Variants in RHOBTB1 observed in about 807,000 individuals in gnomAD.
RHOBTB1 encodes the protein rho-related BTB domain-containing protein 1.
RHOBTB1 carries 40 observed loss-of-function variants against 71.6 expected under a neutral mutation model. That is an observed-to-expected ratio of 0.56 (90% CI 0.43 to 0.73). RHOBTB1 has a LOEUF of 0.73. RHOBTB1 is among the 30% of genes least tolerant of loss of function. RHOBTB1 has a pLI of 0.00. For synonymous variants in RHOBTB1, 319 were observed against 334.9 expected, an observed-to-expected ratio of 0.95 and a Z score of 0.52; for missense variants, 797 against 894.0, an observed-to-expected ratio of 0.89 and a Z score of 1.38.
At chr10:60,928,076 A>G (rs760953767) in intron 2 of RHOBTB1, among the ~76,000 whole-genome samples, 2 of 152,202 alleles carry the variant, frequency 1.3e-5, no homozygotes, top group Non-Finnish European at 2.9e-5. Context: ...AAAAATGCTC[A>G]ACATCATTCG....
chr10:60,931,923 A>G (rs1187647835), intron 2 of RHOBTB1, among the ~76,000 whole-genome samples: 1 of 152,206 alleles, frequency 6.6e-6, no homozygotes, highest in African/African-American at 2.4e-5. Context: ...AATCTTGAGC[A>G]TTCAAAAGGA....
intron 7 of RHOBTB1, among the ~76,000 whole-genome samples, chr10:60,885,727 A>G (rs1411288054): frequency 1.3e-5 from 2 of 152,174 alleles, no homozygotes; most frequent in Non-Finnish European, 2.9e-5. Flanking sequence ...TTTCTGAACT[A>G]CTGGGAGACA....
chr10:60,974,995 C>T (rs568897597), intron 2 of RHOBTB1, among the ~76,000 whole-genome samples: 1 of 152,084 alleles, frequency 6.6e-6, no homozygotes, highest in African/African-American at 2.4e-5. Context: ...TGGCTGAGAG[C>T]TGTATGATCT....
intron 2 of RHOBTB1, among the ~76,000 whole-genome samples, chr10:60,959,377 G>A (rs2085704573): frequency 1.3e-5 from 2 of 152,044 alleles, no homozygotes; most frequent in South Asian, 4.1e-4. Context: ...ACCATTTGAG[G>A]AACAATGCCA....
At chr10:60,863,615 C>T in the RHOBTB1 span, among the ~76,000 whole-genome samples, 2 of 152,244 alleles carry the variant, frequency 1.3e-5, no homozygotes, top group African/African-American at 4.8e-5. Context: ...TCACTGGGAC[C>T]TCTGCCTCCC....
rs545738316 is a variant in RHOBTB1, at chr10:60,999,623, G to A, written c.-163+1776C>T. 1.6e-4 allele frequency among the ~76,000 whole-genome samples: 24 copies of A among 152,280 alleles called. No homozygotes were observed. In the South Asian group the frequency reaches 3.1e-3, roughly 20 times the overall value. On this transcript the variant is annotated intron_variant, in intron 1 of 11. Coordinates refer to the RHOBTB1 transcript ENST00000357917. ...GAGGAATCAATAATTAATCCAAGTA[G>A]GTATACAGATTTTCTTCATTGTCTG...
At chr10:60,977,225 G>A (rs911041249) in intron 2 of RHOBTB1, among the ~76,000 whole-genome samples, 1 of 152,002 alleles carries the variant, frequency 6.6e-6, no homozygotes, top group African/African-American at 2.4e-5. Context: ...AGCATTTTGA[G>A]ATCCTTGGCC....
At chr10:60,909,709 A>G (rs890089205) in intron 4 of RHOBTB1, among the ~76,000 whole-genome samples, 4 of 152,224 alleles carry the variant, frequency 2.6e-5, no homozygotes, top group African/African-American at 9.6e-5. Flanking sequence ...AAAATCCAGG[A>G]AATTCAAGGA....
At chr10:60,976,118 A>G (rs1318833758) in intron 2 of RHOBTB1, among the ~76,000 whole-genome samples, 1 of 151,996 alleles carries the variant, frequency 6.6e-6, no homozygotes, top group Admixed American at 6.6e-5. Flanking sequence ...GGAATAATAA[A>G]TGCCATCGAA....
intron 1 of RHOBTB1, among the ~76,000 whole-genome samples, chr10:61,001,141 T>G (rs2087252655): frequency 6.6e-6 from 1 of 151,936 alleles, no homozygotes; most frequent in African/African-American, 2.4e-5. Flanking sequence ...ACACCCAAAG[T>G]ATTCTGGAAG....
At chr10:60,945,697 A>G (rs1338933757), upstream of RHOBTB1, among the ~76,000 whole-genome samples, 2 of 152,182 alleles carry the variant, frequency 1.3e-5, no homozygotes, top group Non-Finnish European at 2.9e-5. Context: ...GTGGAATCCA[A>G]TGTTTTTACG....
chr10:60,990,401 A>G (rs1348185378), intron 1 of RHOBTB1, among the ~76,000 whole-genome samples: 2 of 152,222 alleles, frequency 1.3e-5, no homozygotes, highest in African/African-American at 4.8e-5. Context: ...TTTTTGAGAC[A>G]GATGCAAGAC....
intron 2 of RHOBTB1, among the ~76,000 whole-genome samples, chr10:60,973,682 C>T (rs528104346): frequency 6.6e-6 from 1 of 151,698 alleles, no homozygotes; most frequent in Non-Finnish European, 1.5e-5. Context: ...GGGAAAAGAA[C>T]ATAGATTCAA....
Position 60,888,287 on chromosome 10 carries a change from G to A in RHOBTB1, c.1381C>T (p.Gln461Ter). 1.2e-6 allele frequency: 2 copies of A among 1,614,028 alleles called. No individual in the cohort carries two copies. Among genetic ancestry groups the A allele is most frequent in the African/African-American group, 1.3e-5 (1 of 75,006 alleles). ...NIMNKEAFMN[Q>*]EITKAFHVRK... is the part of the protein sequence containing the mutation. ...ACGTGAAAGGCTTTCGTAATCTCCT[G>A]GTTCATGAAGGCTTCCTTGTTCATG... Residue 461 changes from glutamine (Q) to a stop codon, truncating the protein, a stop_gained, in exon 6 of 11, where the codon CAG becomes TAG. Coordinates refer to ENST00000337910, the MANE Select transcript of RHOBTB1 (RefSeq NM_014836.5). LOFTEE classifies it high-confidence loss of function.
In RHOBTB1 at chr10:60,874,956, G is replaced by A; in HGVS notation, c.1813C>T (p.Gln605Ter). The change falls in exon 9 of 11, where the codon CAG becomes TAG. Residue 605 changes from glutamine to a stop codon, truncating the protein, a stop_gained and splice_region_variant. Coordinates refer to ENST00000337910, the MANE Select transcript of RHOBTB1 (RefSeq NM_014836.5). LOFTEE classifies it high-confidence loss of function. ...GTAAAAAGCAAACTGTTACAAACCTGAGCCAATTCCAAGTAAGAGAGCACT... is the reference window on the plus strand; with the variant it reads ...GTAAAAAGCAAACTGTTACAAACCTAAGCCAATTCCAAGTAAGAGAGCACT... ...GEVLSYLELA[Q>*]FHNAHQLAAW... The A allele has an allele frequency of 6.2e-7, 1 of 1,611,680 alleles. No individual in the cohort carries two copies. The highest frequency in any genetic ancestry group is 8.5e-7 in the Non-Finnish European group (1 of 1,177,782).
At chr10:60,992,577 T>G (rs1490780880) in intron 1 of RHOBTB1, among the ~76,000 whole-genome samples, 1 of 152,192 alleles carries the variant, frequency 6.6e-6, no homozygotes, top group Non-Finnish European at 1.5e-5. Context: ...TGCTTCCATA[T>G]GGTGACAGAA....
chr10:60,990,230 G>C (rs539974770), intron 1 of RHOBTB1, among the ~76,000 whole-genome samples: 2 of 151,906 alleles, frequency 1.3e-5, no homozygotes, highest in African/African-American at 2.4e-5. Context: ...TGATCTGCCC[G>C]CCTCGGCCTC....
intron 2 of RHOBTB1, among the ~76,000 whole-genome samples, chr10:60,935,798 T>G (rs1198410748): frequency 6.6e-6 from 1 of 152,198 alleles, no homozygotes; most frequent in Non-Finnish European, 1.5e-5. Flanking sequence ...ATTAACTATA[T>G]TTTGAGGCTA....
rs117868759 is a variant in RHOBTB1 at position 60,958,911 on chromosome 10, T to C, written c.-61-17057A>G. ...GCACCGCACCTGGCCCAGAGTAGGA[T>C]ATTTAAATAAAAAGACTTCATTTTT... On this transcript the variant is annotated intron_variant, in intron 2 of 11. Coordinates refer to the RHOBTB1 transcript ENST00000357917. Among the ~76,000 whole-genome samples, 29 of 152,278 alleles carry C rather than the reference T, an allele frequency of 1.9e-4. No individual in the cohort carries two copies. In the East Asian group the frequency reaches 4.6e-3, roughly 24 times the overall value.
Sources: gnomAD v4.1 joint callset for allele counts (sites outside exome capture counted in the v4.1 genomes callset) on GRCh38, gnomAD v4.1.1 for gene constraint, MANE v1.5 for transcripts, NCBI Gene and HGNC (gene_info 2026-07-23, HGNC 2026-07-21) for gene names.